The following GABRG2 variants were observed in gnomAD, a reference collection of about 807,000 sequenced individuals.
GABRG2 encodes gamma-aminobutyric acid type A receptor subunit gamma2, also known as gamma-aminobutyric acid receptor subunit gamma-2.
A neutral mutation model predicts 56.4 loss-of-function variants in GABRG2; 16 were observed. The observed-to-expected ratio is 0.28, with a 90% CI of 0.19 to 0.43. The LOEUF (loss-of-function observed/expected upper bound fraction) is 0.43. Ranked by LOEUF, GABRG2 falls within the 20% of genes least tolerant of loss-of-function variation. The pLI is 1.00. For synonymous variants in GABRG2, 208 were observed against 205.5 expected (o/e 1.01, Z -0.10); for missense variants, 327 against 582.7 (o/e 0.56, Z 4.52).
chr5:162,139,197 A>G (rs976563091), intron 6 of GABRG2, among the ~76,000 whole-genome samples: 1 of 152,224 alleles, frequency 6.6e-6, no homozygotes, highest in Non-Finnish European at 1.5e-5. Flanking sequence ...AAAATACTGT[A>G]ACTTTAATGT....
chr5:162,100,260 A>G (rs554581318), intron 4 of GABRG2: 46 of 152,260 alleles, frequency 3.0e-4, no homozygotes, highest in Non-Finnish European at 6.3e-4. Context: ...GCTCCGTTAT[A>G]TCATAGAATG....
At chr5:162,113,882 G>A (rs1581386715) in intron 6 of GABRG2, among the ~76,000 whole-genome samples, 1 of 152,158 alleles carries the variant, frequency 6.6e-6, no homozygotes, top group Non-Finnish European at 1.5e-5. Flanking sequence ...GTGACTAAGA[G>A]TGAAGTAGAA....
rs1554098050 is a variant in GABRG2 at position 162,101,260 on chromosome 5, T to C, written c.574T>C (p.Leu192=). ...GTTGACAATTGATGCTGAGTGCCAA[T>C]TACAATTGCACAACTTTCCAATGGA... ...LRLTIDAECQ[L]QLHNFPMDEH... is the part of the protein sequence containing the mutation. The change falls in exon 5 of 10, where the codon TTA becomes CTA. Residue 192 remains leucine (L), a synonymous_variant. Coordinates refer to ENST00000639213, the MANE Select transcript of GABRG2 (RefSeq NM_198904.4). 6.2e-7 allele frequency: 1 copy of C among 1,610,736 alleles called. No individual in the cohort carries two copies. The highest frequency in any genetic ancestry group is 8.5e-7 in the Non-Finnish European group (1 of 1,177,220).
intron 1 of GABRG2, among the ~76,000 whole-genome samples, chr5:162,078,743 A>G (rs902957756): frequency 8.6e-5 from 13 of 151,828 alleles, no homozygotes; most frequent in Non-Finnish European, 1.8e-4. Context: ...CATCTTCAAT[A>G]CAGAATTTTC....
rs760057287 is a variant in GABRG2 at position 162,093,781 on chromosome 5, A to C, written c.108-47A>C. The C allele has an allele frequency of 7.6e-6, 12 of 1,572,924 alleles. No homozygotes were observed. The Admixed American group carries it at 2.0e-4, about 26-fold the overall frequency. On this transcript the variant is annotated intron_variant, in intron 1 of 9. Coordinates refer to ENST00000639213, the MANE Select transcript of GABRG2 (RefSeq NM_198904.4). ...ACTGGTGGTCTGTGGATAAAAGTCA[A>C]CTTGTGTGTAATCTATGTGTTTTTT...
At chr5:162,086,575 A>G (rs13168345) in intron 1 of GABRG2, among the ~76,000 whole-genome samples, 1,762 of 152,024 alleles carry the variant, frequency 0.012, 20 homozygotes, top group Non-Finnish European at 0.017. Context: ...GTCCCAGAAA[A>G]CGTCTTCTTT....
At chr5:162,103,293 C>T (rs1761568837) in intron 5 of GABRG2, 1 of 155,270 alleles carries the variant, frequency 6.4e-6, no homozygotes, top group African/African-American at 2.4e-5. Flanking sequence ...AGTACAAGCT[C>T]ATTGATATCT....
chr5:162,068,379 T>C lies in GABRG2; in HGVS notation c.107+273T>C, dbSNP rs912929514. Among the ~76,000 whole-genome samples, 4 of 151,830 alleles carry C rather than the reference T, an allele frequency of 2.6e-5. No individual in the cohort carries two copies. In the East Asian group the frequency reaches 7.8e-4, roughly 29 times the overall value. On this transcript the variant is annotated intron_variant, in intron 1 of 9. Transcript: ENST00000639213. Reference sequence around the variant, plus strand: ...TCATAAAGACTAAATATTTAGGGAGTAGCATTTTGACATTATTGCAATCTG... The same window carrying C: ...TCATAAAGACTAAATATTTAGGGAGCAGCATTTTGACATTATTGCAATCTG...
chr5:162,105,126 T>G (rs1212896758), intron 6 of GABRG2, among the ~76,000 whole-genome samples: 1 of 152,276 alleles, frequency 6.6e-6, no homozygotes, highest in Middle Eastern at 3.4e-3. Context: ...ATAGGAAATA[T>G]TTTTTGCGTA....
Position 162,153,290 on chromosome 5 carries a change from C to T in GABRG2, c.1350C>T (p.Asp450=), listed in dbSNP as rs202246006. 3.8e-5 allele frequency: 62 copies of T among 1,614,044 alleles called. 2 individuals carry two copies. The East Asian group carries it at 1.1e-3, about 29-fold the overall frequency. ...GRIHIRIAKM[D]SYARIFFPTA... is the part of the protein sequence containing the mutation. The stretch of plus-strand genomic sequence containing the variant: ...TACATATCCGCATTGCCAAAATGGA[C>T]TCCTATGCTCGGATCTTCTTCCCCA... Residue 450 remains aspartate (D), a synonymous_variant, in exon 10 of 10, where the codon GAC becomes GAT. Transcript: ENST00000639213.
chr5:162,067,677 G>C (rs373691169), upstream of GABRG2: 53 of 597,562 alleles, frequency 8.9e-5, no homozygotes, highest in Non-Finnish European at 1.3e-4. Context: ...ACGAGTGTGC[G>C]TGTCTTTCCC....
chr5:162,100,594 C>T (rs1027320148), intron 4 of GABRG2, among the ~76,000 whole-genome samples: 3 of 152,112 alleles, frequency 2.0e-5, no homozygotes, highest in African/African-American at 7.2e-5. Context: ...GATTTACTGG[C>T]AAACATTTTT....
chr5:162,067,480 T>A, upstream of GABRG2: 1 of 419,632 alleles, frequency 2.4e-6, no homozygotes, highest in Non-Finnish European at 4.2e-6. Flanking sequence ...CACTTTGACC[T>A]CATAGTTAAT....
At chr5:162,133,960 T>C (rs965699107) in intron 6 of GABRG2, among the ~76,000 whole-genome samples, 1 of 152,158 alleles carries the variant, frequency 6.6e-6, no homozygotes, top group African/African-American at 2.4e-5. Context: ...CTAAAGCTAA[T>C]ACGTGCATTA....
chr5:162,097,670 G>A lies in GABRG2; in HGVS notation c.360G>A (p.Thr120=), dbSNP rs77298346. 9.2e-4 allele frequency: 1,490 copies of A among 1,613,426 alleles called. 20 individuals are homozygous for A. In the African/African-American group the frequency reaches 0.017, roughly 18 times the overall value. Reference sequence around the variant, plus strand: ...CTATTGATATATTTTTTGCGCAAACGTGGTATGACAGACGTTTGAAATTTA... The same window carrying A: ...CTATTGATATATTTTTTGCGCAAACATGGTATGACAGACGTTTGAAATTTA... ...EYTIDIFFAQ[T]WYDRRLKFNS... The change falls in exon 4 of 10, where the codon ACG becomes ACA. Residue 120 remains threonine (T), a synonymous_variant. Transcript: ENST00000639213.
chr5:162,150,924 G>C (rs1201357418), intron 8 of GABRG2: 2 of 152,048 alleles, frequency 1.3e-5, no homozygotes, highest in African/African-American at 4.8e-5. Flanking sequence ...CTCTATCCTT[G>C]TTTTATTTTC....
intron 6 of GABRG2, among the ~76,000 whole-genome samples, chr5:162,141,811 T>C (rs1221915902): frequency 6.6e-6 from 1 of 152,176 alleles, no homozygotes; most frequent in African/African-American, 2.4e-5. Context: ...GCAGACAAGA[T>C]ACGCACAATG....
Position 162,093,944 on chromosome 5 carries a change from A to C in GABRG2, c.224A>C (p.Glu75Ala). The C allele has an allele frequency of 6.2e-7, 1 of 1,613,394 alleles. No homozygotes were observed. ...DVTVILNNLL[E>A]GYDNKLRPDI... ...ACTGTCATCTTAAACAACCTGCTGG[A>C]AGGATATGACAATAAACTTCGGCCT... is the stretch of plus-strand genomic sequence containing the variant. Residue 75 changes from glutamate to alanine, a missense_variant, in exon 2 of 10, where the codon GAA becomes GCA. Physicochemically the swap from Glu to Ala is moderately radical, Grantham distance 107. This residue lies in a region of GABRG2 where 104 missense variants were observed against 209.3 expected (regional missense o/e 0.50). Transcript: ENST00000639213.
At chr5:162,116,582 T>C (rs1025066444) in intron 6 of GABRG2, among the ~76,000 whole-genome samples, 14 of 151,936 alleles carry the variant, frequency 9.2e-5, no homozygotes, top group Admixed American at 9.2e-4. Context: ...AGATGCACAA[T>C]GCTTTCACAC....
Sources: allele counts gnomAD v4.1 joint callset (sites outside exome capture counted in the v4.1 genomes callset), GRCh38; gene constraint gnomAD v4.1.1; regional missense constraint gnomAD v4.1.1; transcripts MANE v1.5; gene names NCBI Gene and HGNC (gene_info 2026-07-23, HGNC 2026-07-21).